The following PCDH15 variants were observed in gnomAD, a reference collection of about 807,000 sequenced individuals.
PCDH15 encodes protocadherin related 15.
PCDH15 carries 129 observed loss-of-function variants against 178.5 expected under a neutral mutation model. That is an observed-to-expected ratio of 0.72 (90% CI 0.63 to 0.84). PCDH15 has a LOEUF of 0.84. PCDH15 is among the 40% of genes least tolerant of loss of function. The pLI is 0.00. For missense variants in PCDH15, 2,230 were observed against 2,099.9 expected, an observed-to-expected ratio of 1.06 and a Z score of -1.21; for synonymous variants, 800 against 732.0, an observed-to-expected ratio of 1.09 and a Z score of -1.50.
At chr10:54,494,514 T>A (rs1291492040) in intron 3 of PCDH15, among the ~76,000 whole-genome samples, 2 of 152,146 alleles carry the variant, frequency 1.3e-5, no homozygotes, top group Non-Finnish European at 2.9e-5. Context: ...CTTTGACCCA[T>A]CTTCAGCCTG....
intron 2 of PCDH15, among the ~76,000 whole-genome samples, chr10:54,648,823 T>C (rs1478906384): frequency 2.6e-5 from 4 of 152,282 alleles, no homozygotes; most frequent in Admixed American, 2.6e-4. Flanking sequence ...ATTTTTTTCC[T>C]GGGGAGATAT....
chr10:55,145,137 G>A (rs368940177), intron 2 of PCDH15, among the ~76,000 whole-genome samples: 20 of 151,872 alleles, frequency 1.3e-4, no homozygotes, highest in African/African-American at 4.6e-4. Context: ...TTCCTCTCAT[G>A]GACACTTGAA....
At position 55,463,963 on chromosome 10, in the gene PCDH15, AAGAAAGAAAGAGAAAGAAAG is replaced by A. The variant is rs1839755889; in HGVS notation, c.-156+163642_-156+163661del. ...AAAGAAAGAAAGAAAGAAAGAAAGA[AAGAAAGAAAGAGAAAGAAAG>A]AAAGAAAGAGAAAGAAAGAAAGAAA... On this transcript the variant is annotated intron_variant, in intron 2 of 5. Coordinates refer to the PCDH15 transcript ENST00000613346. 6.7e-5 allele frequency among the ~76,000 whole-genome samples: 3 copies of A among 44,558 alleles called. 1 individual carries two copies. Among genetic ancestry groups the A allele is most frequent in the African/African-American group, 4.7e-4 (3 of 6,364 alleles). 29.2% of individuals were successfully genotyped at this position (44,558 alleles called of 152,430 possible).
At chr10:54,428,145 C>A (rs891883117) in intron 3 of PCDH15, among the ~76,000 whole-genome samples, 2 of 152,154 alleles carry the variant, frequency 1.3e-5, no homozygotes, top group African/African-American at 4.8e-5. Context: ...AGCAGCTGAC[C>A]ATTCACATCT....
intron 2 of PCDH15, among the ~76,000 whole-genome samples, chr10:54,919,898 A>T (rs543259891): frequency 6.6e-6 from 1 of 152,240 alleles, no homozygotes; most frequent in Non-Finnish European, 1.5e-5. Context: ...TTTGGGAAAA[A>T]AAAAAGGCTC....
chr10:55,266,672 T>C (rs970722285), intron 1 of PCDH15, among the ~76,000 whole-genome samples: 6 of 151,576 alleles, frequency 4.0e-5, no homozygotes, highest in African/African-American at 1.5e-4. Context: ...AACACGCGAG[T>C]GGTTGAACAT....
intron 1 of PCDH15, among the ~76,000 whole-genome samples, chr10:55,225,547 A>C (rs1193165039): frequency 6.6e-6 from 1 of 151,982 alleles, no homozygotes; most frequent in Non-Finnish European, 1.5e-5. Flanking sequence ...CAATTTATGC[A>C]GCAGGATCTA....
At chr10:54,796,225 T>TCTAC (rs1219157979) in intron 1 of PCDH15, among the ~76,000 whole-genome samples, 1 of 51,468 alleles carries the variant, frequency 1.9e-5, no homozygotes, top group Non-Finnish European at 3.7e-5. Flanking sequence ...TTCTACATTA[T>TCTAC]CTATCTATCT....
At chr10:54,557,500 C>T (rs1219793) in intron 2 of PCDH15, among the ~76,000 whole-genome samples, 25,709 of 152,028 alleles carry the variant, frequency 0.17, 2,286 homozygotes, top group African/African-American at 0.2. Context: ...AGATATACAA[C>T]ATTACTCATG....
At chr10:54,739,626 A>C (rs1944539027) in intron 1 of PCDH15, among the ~76,000 whole-genome samples, 2 of 151,682 alleles carry the variant, frequency 1.3e-5, no homozygotes, top group Admixed American at 1.3e-4. Flanking sequence ...AAAGCAATCC[A>C]GAACTAAAAG....
At chr10:55,237,189 G>T (rs1475409280) in intron 1 of PCDH15, among the ~76,000 whole-genome samples, 1 of 152,038 alleles carries the variant, frequency 6.6e-6, no homozygotes, top group Non-Finnish European at 1.5e-5. Flanking sequence ...GACTTTGAGG[G>T]ATGAAATCGG....
chr10:55,450,955 CTATATATATA>C (rs56986885), intron 2 of PCDH15, among the ~76,000 whole-genome samples: 44 of 122,254 alleles, frequency 3.6e-4, no homozygotes, highest in South Asian at 7.8e-4. Flanking sequence ...GGGGTAAGAA[CTATATATATA>C]TATATATATA....
In PCDH15 at chr10:54,424,619, T is replaced by A. The variant is rs148547355; in HGVS notation, c.158-45677A>T. On this transcript the variant is annotated intron_variant, in intron 3 of 37. Transcript: ENST00000644397. Reference sequence around the variant, plus strand: ...GACTTGGAACCAACCCACATGTCCATCAATGATAGAATGGATTAAGAAACT... The same window carrying A: ...GACTTGGAACCAACCCACATGTCCAACAATGATAGAATGGATTAAGAAACT... 4.3e-3 allele frequency among the ~76,000 whole-genome samples: 656 copies of A among 152,096 alleles called. 11 individuals carry two copies. The South Asian group carries it at 0.051, about 12-fold the overall frequency.
At chr10:53,946,422 G>A (rs1370235811) in intron 23 of PCDH15, among the ~76,000 whole-genome samples, 1 of 152,136 alleles carries the variant, frequency 6.6e-6, no homozygotes, top group Non-Finnish European at 1.5e-5. Context: ...GGTAACCAAT[G>A]ATCTTTTTAC....
chr10:55,219,511 C>CT (rs927887416), intron 1 of PCDH15, among the ~76,000 whole-genome samples: 6 of 151,290 alleles, frequency 4.0e-5, no homozygotes, highest in African/African-American at 1.5e-4. Context: ...GGTACTCTCA[C>CT]TTTTTTTTCC....
chr10:54,261,555 A>G (rs2057317778), intron 8 of PCDH15, among the ~76,000 whole-genome samples: 1 of 152,158 alleles, frequency 6.6e-6, no homozygotes, highest in Non-Finnish European at 1.5e-5. Context: ...AGTATTAAAA[A>G]TAATGTATTA....
chr10:55,423,115 T>C (rs1042203873), intron 2 of PCDH15, among the ~76,000 whole-genome samples: 2 of 151,938 alleles, frequency 1.3e-5, no homozygotes, highest in Admixed American at 1.3e-4. Flanking sequence ...GATACATTGT[T>C]TCCTAAAGGG....
At chr10:55,170,761 A>G (rs111486087) in intron 1 of PCDH15, among the ~76,000 whole-genome samples, 24,927 of 152,054 alleles carry the variant, frequency 0.16, 2,106 homozygotes, top group East Asian at 0.26. Flanking sequence ...ATGCGCCTGT[A>G]ATCTCAGCTA....
At chr10:53,881,511 A>T (rs1045562205) in intron 26 of PCDH15, among the ~76,000 whole-genome samples, 8 of 152,230 alleles carry the variant, frequency 5.3e-5, no homozygotes, top group Non-Finnish European at 1.2e-4. Flanking sequence ...AAAGTAATTG[A>T]GCATGACCAA....
Sources: allele counts gnomAD v4.1 joint callset (sites outside exome capture counted in the v4.1 genomes callset), GRCh38; gene constraint gnomAD v4.1.1; transcripts MANE v1.5; gene names NCBI Gene and HGNC (gene_info 2026-07-23, HGNC 2026-07-21).